Variants in PPP2CB observed in about 807,000 individuals in gnomAD.
The protein encoded by PPP2CB is protein phosphatase 2 catalytic subunit beta.
Under a neutral mutation model 39.1 loss-of-function variants are expected in PPP2CB, and 18 were observed. The ratio of observed to expected loss-of-function variants is 0.46; its 90% CI spans 0.32 to 0.68. The LOEUF (loss-of-function observed/expected upper bound fraction) is 0.68. Among genes scored for constraint, PPP2CB ranks in the 30% least tolerant of loss-of-function variants. The pLI, the probability that PPP2CB is intolerant of heterozygous loss-of-function variation, is 0.04. For synonymous variants in PPP2CB, 129 were observed against 133.8 expected (o/e 0.96, Z 0.25); for missense variants, 226 against 396.9 (o/e 0.57, Z 3.66).
In PPP2CB at chr8:30,799,769, G is replaced by A. The variant is rs1806589524; in HGVS notation, c.103-14C>T. On this transcript the variant is annotated splice_polypyrimidine_tract_variant and intron_variant, in intron 1 of 6. Coordinates refer to ENST00000221138, the MANE Select transcript of PPP2CB (RefSeq NM_001009552.2). ...AATTTCCTTTGCCTGTTAGAAAAGT[G>A]AAATCAACAATTACAAAGTTAAAAC... 1 of 1,604,600 alleles carries A rather than the reference G, an allele frequency of 6.2e-7. No individual in the cohort carries two copies. The highest frequency in any genetic ancestry group is 1.3e-5 in the African/African-American group (1 of 74,626).
intron 1 of PPP2CB, among the ~76,000 whole-genome samples, chr8:30,808,875 A>G (rs1806770065): frequency 6.6e-6 from 1 of 150,606 alleles, no homozygotes; most frequent in Non-Finnish European, 1.5e-5. Context: ...GCCTTCCTTT[A>G]GTTAACATTC....
chr8:30,795,503 T>C (rs572540440), intron 3 of PPP2CB, among the ~76,000 whole-genome samples: 71 of 152,354 alleles, frequency 4.7e-4, no homozygotes, highest in Admixed American at 4.6e-3. Context: ...TAACTGAGTT[T>C]TGAATCATAA....
chr8:30,790,973 T>C (rs965996912), intron 6 of PPP2CB: 4 of 415,070 alleles, frequency 9.6e-6, no homozygotes, highest in Non-Finnish European at 1.7e-5. Context: ...TAGTAGGTTT[T>C]CTTGAATTAA....
At chr8:30,802,862 A>G (rs906611094) in intron 1 of PPP2CB, among the ~76,000 whole-genome samples, 12 of 152,240 alleles carry the variant, frequency 7.9e-5, no homozygotes, top group Non-Finnish European at 1.5e-4. Context: ...CAAACACACA[A>G]GACATAACCC....
intron 1 of PPP2CB, among the ~76,000 whole-genome samples, chr8:30,806,045 GA>G (rs1356046758): frequency 1.8e-4 from 27 of 148,764 alleles, no homozygotes; most frequent in Non-Finnish European, 2.7e-4. Context: ...GGGTTAATAT[GA>G]TTTTTTTTTT....
In PPP2CB at chr8:30,799,538, A is replaced by C. The variant is rs773391858; in HGVS notation, c.312+8T>G. The C allele has an allele frequency of 6.2e-7, 1 of 1,601,544 alleles. No individual in the cohort carries two copies. Among genetic ancestry groups the C allele is most frequent in the Non-Finnish European group, 8.5e-7 (1 of 1,171,612 alleles). On this transcript the variant is annotated splice_region_variant and intron_variant, in intron 2 of 6. Coordinates refer to ENST00000221138, the MANE Select transcript of PPP2CB (RefSeq NM_001009552.2). Reference sequence around the variant, plus strand: ...CTTGAAAAAAAAATTGAATTTCAATAATCATACCTTTAATGCTACAAGAAG... The same window carrying C: ...CTTGAAAAAAAAATTGAATTTCAATCATCATACCTTTAATGCTACAAGAAG...
At chr8:30,805,955 C>T (rs1806717561) in intron 1 of PPP2CB, among the ~76,000 whole-genome samples, 1 of 152,098 alleles carries the variant, frequency 6.6e-6, no homozygotes, top group African/African-American at 2.4e-5. Context: ...CAACAGCAAA[C>T]CAGTTCTAAG....
In PPP2CB at chr8:30,812,498, CGGCCCG is replaced by C. The variant is rs1317833031; in HGVS notation, c.-83_-78del. ...CCCCCTCCCCACCCGCCCCCGGCCCCGGCCCGGGCGCCGCTCCCCTCTCCCTCCGCC... is the reference window on the plus strand; with the variant it reads ...CCCCCTCCCCACCCGCCCCCGGCCCCGGCGCCGCTCCCCTCTCCCTCCGCC... On this transcript the variant is annotated 5_prime_UTR_variant, in exon 1 of 7. Transcript: ENST00000221138. 1.8e-6 allele frequency: 2 copies of C among 1,095,540 alleles called. No homozygotes were observed. Among genetic ancestry groups the C allele is most frequent in the East Asian group, 6.9e-5 (2 of 29,110 alleles). The allele number at this position is 1,095,540 out of a possible 1,614,324, so 67.9% of individuals were successfully genotyped here.
At chr8:30,805,590 C>T (rs1641602913) in intron 1 of PPP2CB, among the ~76,000 whole-genome samples, 1 of 151,832 alleles carries the variant, frequency 6.6e-6, no homozygotes, top group Non-Finnish European at 1.5e-5. Context: ...AGATTTTGAG[C>T]AAAATTAAAC....
intron 3 of PPP2CB, among the ~76,000 whole-genome samples, chr8:30,796,379 AT>A (rs1294912540): frequency 2.6e-5 from 4 of 151,960 alleles, no homozygotes; most frequent in African/African-American, 9.7e-5. Context: ...TATGTTTTAT[AT>A]TTATTTATTT....
intron 1 of PPP2CB, among the ~76,000 whole-genome samples, chr8:30,803,775 C>CTTTT (rs1806665220): frequency 9.5e-6 from 1 of 105,064 alleles, no homozygotes; most frequent in African/African-American, 7.8e-5. Context: ...TTTTAAATGG[C>CTTTT]TAACTTTTGG....
At chr8:30,803,093 G>T (rs1036431637) in intron 1 of PPP2CB, among the ~76,000 whole-genome samples, 1 of 152,208 alleles carries the variant, frequency 6.6e-6, no homozygotes, top group East Asian at 1.9e-4. Flanking sequence ...TGTCAGGAAA[G>T]ATCACTTTTA....
At chr8:30,789,968 T>C (rs1032119872) in intron 6 of PPP2CB, among the ~76,000 whole-genome samples, 2 of 152,182 alleles carry the variant, frequency 1.3e-5, no homozygotes, top group Admixed American at 6.5e-5. Context: ...AGCTGGTAGA[T>C]GCATCACTTG....
chr8:30,803,588 A>G (rs927897625), intron 1 of PPP2CB, among the ~76,000 whole-genome samples: 1 of 151,986 alleles, frequency 6.6e-6, no homozygotes, highest in Non-Finnish European at 1.5e-5. Flanking sequence ...AGACATGTCA[A>G]TCAGTCTCTG....
intron 1 of PPP2CB, among the ~76,000 whole-genome samples, chr8:30,803,405 T>C (rs1453879489): frequency 6.6e-6 from 1 of 151,692 alleles, no homozygotes; most frequent in African/African-American, 2.4e-5. Context: ...AAAAGCCAGG[T>C]GTGGTTGTGT....
At chr8:30,794,133 T>A in intron 4 of PPP2CB, 55 bp from the exon 5 acceptor site, 1 of 1,606,540 alleles carries the variant, frequency 6.2e-7, no homozygotes, top group African/African-American at 1.3e-5. Flanking sequence ...TACTTTATCA[T>A]CCTCAAAATG....
Position 30,791,205 on chromosome 8 carries a change from T to C in PPP2CB, c.849A>G (p.Lys283=), listed in dbSNP as rs1246744091. 6.3e-7 allele frequency: 1 copy of C among 1,596,538 alleles called. No individual in the cohort carries two copies. Among genetic ancestry groups the C allele is most frequent in the South Asian group, 1.1e-5 (1 of 87,972 alleles). The change falls in exon 6 of 7, where the codon AAA becomes AAG. Residue 283 remains lysine (K), a synonymous_variant. Transcript: ENST00000221138. ...AATTTACAGTTACTCACAAGGAATA[T>C]TTTAAAGTGTCATCTAATTCCATGA... ...AAIMELDDTL[K]YSFLQFDPAP...
At chr8:30,791,907 T>C (rs1806439092) in intron 5 of PPP2CB, among the ~76,000 whole-genome samples, 1 of 151,852 alleles carries the variant, frequency 6.6e-6, no homozygotes, top group African/African-American at 2.4e-5. Flanking sequence ...TATATACATG[T>C]GTATATACAT....
chr8:30,799,964 T>A (rs191986962), intron 1 of PPP2CB, among the ~76,000 whole-genome samples: 2 of 152,312 alleles, frequency 1.3e-5, no homozygotes, highest in Admixed American at 1.3e-4. Context: ...GGAACCCTCA[T>A]ACACTGCTGG....
Sources: gnomAD v4.1 joint callset for allele counts (sites outside exome capture counted in the v4.1 genomes callset) on GRCh38, gnomAD v4.1.1 for gene constraint, MANE v1.5 for transcripts, NCBI Gene and HGNC (gene_info 2026-07-23, HGNC 2026-07-21) for gene names.